The following NTNG1 variants were observed in gnomAD, a reference collection of about 807,000 sequenced individuals.
The protein encoded by NTNG1 is netrin-G1.
A neutral mutation model predicts 54.0 loss-of-function variants in NTNG1; 16 were observed. That is an observed-to-expected ratio of 0.30 (90% confidence interval 0.20 to 0.45). The LOEUF (loss-of-function observed/expected upper bound fraction) is 0.45, where lower values mean the gene tolerates loss of function less well. Ranked by LOEUF, NTNG1 falls within the 20% of genes least tolerant of loss-of-function variation. The probability of loss-of-function intolerance (pLI) is 1.00; values close to 1 mark genes in which losing one functional copy is unlikely to be tolerated. For synonymous variants in NTNG1, 255 were observed against 263.1 expected, an observed-to-expected ratio of 0.97 and a Z score of 0.30; for missense variants, 530 against 678.7, an observed-to-expected ratio of 0.78 and a Z score of 2.43.
chr1:107,185,166 A>G (rs1292571487), intron 2 of NTNG1, among the ~76,000 whole-genome samples: 1 of 152,208 alleles, frequency 6.6e-6, no homozygotes, highest in Non-Finnish European at 1.5e-5. Context: ...GTCATAGCAG[A>G]CAAGGTGTAT....
intron 2 of NTNG1, among the ~76,000 whole-genome samples, chr1:107,291,884 C>G (rs1375738278): frequency 1.3e-5 from 2 of 151,976 alleles, no homozygotes; most frequent in African/African-American, 4.8e-5. Context: ...AAATGACAAA[C>G]TAGAGACATT....
chr1:107,213,210 A>G (rs776041536), intron 2 of NTNG1, among the ~76,000 whole-genome samples: 1 of 152,010 alleles, frequency 6.6e-6, no homozygotes, highest in African/African-American at 2.4e-5. Flanking sequence ...ATTTGAATTG[A>G]TCTGATTTTG....
In NTNG1 at chr1:107,448,357, C is replaced by A. The variant is rs140980803; in HGVS notation, c.1390+11558C>A. Among the ~76,000 whole-genome samples, 5 of 152,138 alleles carry A rather than the reference C, an allele frequency of 3.3e-5. No individual in the cohort carries two copies. The East Asian group carries it at 9.7e-4, about 29-fold the overall frequency. ...AATTATAAACCCCATTGGCAGTTAT[C>A]CCCATTTAACAGATGATGAATGGAC... is the stretch of plus-strand genomic sequence containing the variant. On this transcript the variant is annotated intron_variant, in intron 7 of 7. Transcript: ENST00000370068.
chr1:107,358,506 A>C (rs886436416), intron 3 of NTNG1, among the ~76,000 whole-genome samples: 3 of 152,016 alleles, frequency 2.0e-5, no homozygotes, highest in Non-Finnish European at 4.4e-5. Context: ...CATTTGTTGC[A>C]TTCTAGTGTT....
In NTNG1 at chr1:107,153,449, G is replaced by A. The variant is rs148138364; in HGVS notation, c.246+4610G>A. The stretch of plus-strand genomic sequence containing the variant: ...AATTCAGTAAATGAATGAAGTTTTA[G>A]TAACAGTGACACCTTTCATTTGAAC... On this transcript the variant is annotated intron_variant, in intron 2 of 7. Coordinates refer to ENST00000370068, the MANE Select transcript of NTNG1 (RefSeq NM_001113226.3). Among the ~76,000 whole-genome samples, 800 of 152,262 alleles carry A rather than the reference G, an allele frequency of 5.3e-3. 6 individuals carry two copies. Among genetic ancestry groups the A allele is most frequent in the Middle Eastern group, 0.01 (3 of 294 alleles).
intron 2 of NTNG1, among the ~76,000 whole-genome samples, chr1:107,301,599 A>T (rs980845759): frequency 6.6e-5 from 10 of 152,180 alleles, no homozygotes; most frequent in African/African-American, 2.2e-4. Flanking sequence ...TATCCTAATA[A>T]GAAATTTTAA....
chr1:107,283,003 A>G (rs892301358), intron 2 of NTNG1, among the ~76,000 whole-genome samples: 2 of 152,092 alleles, frequency 1.3e-5, no homozygotes, highest in Non-Finnish European at 1.5e-5. Flanking sequence ...AAGGGTATCA[A>G]TGCCATTCAT....
intron 7 of NTNG1, among the ~76,000 whole-genome samples, chr1:107,459,507 G>A (rs1677149394): frequency 6.6e-6 from 1 of 151,938 alleles, no homozygotes; most frequent in Admixed American, 6.6e-5. Flanking sequence ...AAAAAGGCAG[G>A]GGTAAAAAAT....
intron 3 of NTNG1, among the ~76,000 whole-genome samples, chr1:107,376,859 G>A (rs1410472553): frequency 6.6e-6 from 1 of 152,116 alleles, no homozygotes; most frequent in Non-Finnish European, 1.5e-5. Context: ...TTCCCCTACT[G>A]TTTATGTTCA....
rs182290467 is a variant in NTNG1 at position 107,481,363 on chromosome 1, T to A, written c.*523T>A. On this transcript the variant is annotated 3_prime_UTR_variant, in exon 8 of 8. Coordinates refer to ENST00000370068, the MANE Select transcript of NTNG1 (RefSeq NM_001113226.3). ...TTAGTGAACGTTGCTCTGTAACCCT[T>A]GTTGGTTGAAAGATTTCTTTGTCTG... 1 of 153,894 alleles carries A rather than the reference T, an allele frequency of 6.5e-6. No individual in the cohort carries two copies. Among genetic ancestry groups the A allele is most frequent in the Admixed American group, 6.4e-5 (1 of 15,512 alleles). The allele number at this position is 153,894 out of a possible 1,614,324, so 9.5% of individuals were successfully genotyped here. A position where few individuals can be genotyped will look rare whatever the true frequency, so the allele number is the denominator to read the frequency against.
chr1:107,359,455 A>G (rs1470063448), intron 3 of NTNG1, among the ~76,000 whole-genome samples: 1 of 152,178 alleles, frequency 6.6e-6, no homozygotes, highest in Non-Finnish European at 1.5e-5. Context: ...AAGAGAAAAC[A>G]GGTCTGGTGG....
chr1:107,342,930 A>G (rs1668986423), intron 3 of NTNG1, among the ~76,000 whole-genome samples: 1 of 152,132 alleles, frequency 6.6e-6, no homozygotes, highest in Non-Finnish European at 1.5e-5. Flanking sequence ...TGTGCCTCCT[A>G]AAAGCTATTC....
chr1:107,484,090 A>T lies in NTNG1; in HGVS notation c.*3250A>T, dbSNP rs1678891089. 6.6e-6 allele frequency among the ~76,000 whole-genome samples: 1 copy of T among 152,174 alleles called. No homozygotes were observed. The highest frequency in any genetic ancestry group is 2.4e-5 in the African/African-American group (1 of 41,526). On this transcript the variant is annotated 3_prime_UTR_variant, in exon 8 of 8. Transcript: ENST00000370068. ...ATGTAGGCCCCCTCTGGGGGTTTAA[A>T]CTCCTGGAGGCAAGCAACATCCTGA...
At chr1:107,471,287 T>C (rs1677959965) in intron 7 of NTNG1, among the ~76,000 whole-genome samples, 1 of 152,296 alleles carries the variant, frequency 6.6e-6, no homozygotes, top group African/African-American at 2.4e-5. Context: ...ACCAAGTAGG[T>C]CGGATGCTGT....
chr1:107,360,078 G>A (rs1157959965), intron 3 of NTNG1, among the ~76,000 whole-genome samples: 1 of 152,108 alleles, frequency 6.6e-6, no homozygotes, highest in Admixed American at 6.5e-5. Context: ...CTTATACAGG[G>A]TCTGCTTACC....
chr1:107,207,824 A>G (rs1465454882), intron 2 of NTNG1, among the ~76,000 whole-genome samples: 1 of 152,162 alleles, frequency 6.6e-6, no homozygotes, highest in Non-Finnish European at 1.5e-5. Flanking sequence ...TTTCTGGCCT[A>G]ATGCACTTTC....
chr1:107,151,436 T>A (rs1654563190), intron 2 of NTNG1, among the ~76,000 whole-genome samples: 1 of 152,164 alleles, frequency 6.6e-6, no homozygotes, highest in Non-Finnish European at 1.5e-5. Context: ...GACGCTTGCA[T>A]CCATACCTGC....
In NTNG1 at chr1:107,311,845, A is replaced by G. The variant is rs74576434; in HGVS notation, c.247-12437A>G. Reference sequence around the variant, plus strand: ...TATATGATGAATTGCATGATGGTGCATATATACACACTCATAGGCTGATAT... The same window carrying G: ...TATATGATGAATTGCATGATGGTGCGTATATACACACTCATAGGCTGATAT... On this transcript the variant is annotated intron_variant, in intron 2 of 7. Transcript: ENST00000370068. Among the ~76,000 whole-genome samples, 879 of 152,340 alleles carry G rather than the reference A, an allele frequency of 5.8e-3. 13 individuals are homozygous for G. The highest frequency in any genetic ancestry group is 0.02 in the African/African-American group (830 of 41,580).
At chr1:107,171,105 T>G (rs908165137) in intron 2 of NTNG1, among the ~76,000 whole-genome samples, 1 of 152,192 alleles carries the variant, frequency 6.6e-6, no homozygotes, top group African/African-American at 2.4e-5. Flanking sequence ...TGACATTTTC[T>G]ATATTTCAAA....
Sources: allele counts gnomAD v4.1 joint callset (sites outside exome capture counted in the v4.1 genomes callset), GRCh38; gene constraint gnomAD v4.1.1; transcripts MANE v1.5; gene names NCBI Gene and HGNC (gene_info 2026-07-23, HGNC 2026-07-21).